Variants in LRRC56 observed in about 807,000 individuals in gnomAD.
LRRC56 encodes leucine rich repeat containing 56, also known as leucine-rich repeat-containing protein 56.
LRRC56 carries 41 observed loss-of-function variants against 47.8 expected under a neutral mutation model. The observed-to-expected ratio is 0.86, with a 90% CI of 0.67 to 1.11. The LOEUF (loss-of-function observed/expected upper bound fraction) is 1.11. Among genes scored for constraint, LRRC56 ranks in the 50% most tolerant of loss-of-function variants. The pLI, the probability that LRRC56 is intolerant of heterozygous loss-of-function variation, is 0.00. For missense variants in LRRC56, 759 were observed against 704.2 expected (o/e 1.08, Z -0.88); for synonymous variants, 387 against 311.2 (o/e 1.24, Z -2.56).
chr11:552,463 T>C, intron 12 of LRRC56, 106 bp from the exon 13 acceptor site: 1 of 1,231,230 alleles, frequency 8.1e-7, no homozygotes, highest in Non-Finnish European at 1.1e-6. Flanking sequence ...GGGCTGGGGC[T>C]ACCTTGGCTG....
chr11:525,395 C>CA, the LRRC56 span, among the ~76,000 whole-genome samples: 1 of 151,502 alleles, frequency 6.6e-6, no homozygotes, highest in African/African-American at 2.4e-5. Context: ...AAAAATTAGC[C>CA]GGCCGTGGTG....
chr11:541,145 G>A lies in LRRC56; in HGVS notation c.177+284G>A, dbSNP rs1342024602. ...GACTGAGCCAGGCCAGAACCCACAA[G>A]TAGGGGCTGAGCATCCATTATCCTC... On this transcript the variant is annotated intron_variant, in intron 4 of 13. Transcript: ENST00000270115. This position sits in a 1 kb window ranked among gnomAD's most constrained non-coding sequence, Gnocchi z 4.1. 6.6e-6 allele frequency among the ~76,000 whole-genome samples: 1 copy of A among 152,178 alleles called. No individual in the cohort carries two copies. Among genetic ancestry groups the A allele is most frequent in the Non-Finnish European group, 1.5e-5 (1 of 68,022 alleles).
intron 6 of LRRC56, among the ~76,000 whole-genome samples, chr11:546,395 C>T (rs925118131): frequency 1.3e-5 from 2 of 151,884 alleles, no homozygotes; most frequent in Admixed American, 6.6e-5. Flanking sequence ...GGTGAAACCC[C>T]GTCTCTACTA....
rs772999509 is a variant in LRRC56 at position 552,167 on chromosome 11, C to T, written c.1116C>T (p.Asp372=). 4.3e-6 allele frequency: 7 copies of T among 1,612,650 alleles called. No individual in the cohort carries two copies. Among genetic ancestry groups the T allele is most frequent in the South Asian group, 1.1e-5 (1 of 91,090 alleles). ...PAASTSTPEP[D]PADSSDFLAL... ...CCAGCACTTCCACCCCAGAGCCTGA[C>T]CCTGCAGACAGCTCTGACTTCCTGG... Residue 372 remains aspartate, a synonymous_variant, in exon 12 of 14, where the codon GAC becomes GAT. Coordinates refer to ENST00000270115, the MANE Select transcript of LRRC56 (RefSeq NM_198075.4).
chr11:512,592 A>G, the LRRC56 span, among the ~76,000 whole-genome samples: 1 of 152,234 alleles, frequency 6.6e-6, no homozygotes, highest in Non-Finnish European at 1.5e-5. Flanking sequence ...CACCCTTGGT[A>G]GATGGAACAG....
chr11:543,446 C>G (rs1851904028), intron 5 of LRRC56, among the ~76,000 whole-genome samples: 1 of 151,970 alleles, frequency 6.6e-6, no homozygotes, highest in African/African-American at 2.4e-5. Context: ...AACTCCTGAC[C>G]TCAGGTGATC....
At chr11:526,025 G>A in the LRRC56 span, among the ~76,000 whole-genome samples, 2 of 151,966 alleles carry the variant, frequency 1.3e-5, no homozygotes, top group Non-Finnish European at 2.9e-5. Context: ...GGGCAACCTG[G>A]TGAAACCGTG....
the LRRC56 span, among the ~76,000 whole-genome samples, chr11:511,867 G>C: frequency 1.3e-5 from 2 of 152,190 alleles, no homozygotes; most frequent in African/African-American, 4.8e-5. Flanking sequence ...CACACACACA[G>C]ACAAGGCGCT....
chr11:550,170 C>T lies in LRRC56; in HGVS notation c.522C>T (p.Asp174=), dbSNP rs371711502. 1.2e-6 allele frequency: 2 copies of T among 1,613,312 alleles called. No homozygotes were observed. The highest frequency in any genetic ancestry group is 1.7e-6 in the Non-Finnish European group (2 of 1,179,848). Residue 174 remains aspartate, a synonymous_variant, in exon 8 of 14, where the codon GAC becomes GAT. Coordinates refer to ENST00000270115, the MANE Select transcript of LRRC56 (RefSeq NM_198075.4). ...ACCTGGAGGGCAACAGCGTGGAGGA[C>T]CTGGGGCAGGTGCGCTACTTGCAGC... ...VLDLEGNSVE[D]LGQVRYLQLC...
chr11:548,116 C>T (rs1262604977), intron 6 of LRRC56, among the ~76,000 whole-genome samples: 2 of 151,302 alleles, frequency 1.3e-5, no homozygotes, highest in African/African-American at 2.4e-5. Context: ...ACAGAGACTC[C>T]ATCTCAAAAA....
the LRRC56 span, among the ~76,000 whole-genome samples, chr11:518,428 G>T: frequency 6.6e-6 from 1 of 152,092 alleles, no homozygotes; most frequent in Non-Finnish European, 1.5e-5. Flanking sequence ...TGATCCACCC[G>T]CCTCGGCCTC....
At chr11:516,948 C>A in the LRRC56 span, among the ~76,000 whole-genome samples, 1 of 152,224 alleles carries the variant, frequency 6.6e-6, no homozygotes, top group South Asian at 2.1e-4. Context: ...GCCCCGGGCT[C>A]CCATGGTTCT....
chr11:531,391 G>A, the LRRC56 span, among the ~76,000 whole-genome samples: 1 of 152,168 alleles, frequency 6.6e-6, no homozygotes, highest in African/African-American at 2.4e-5. Context: ...GGGCGCTGTG[G>A]GCCCCCAGCA....
chr11:533,221 G>A, upstream of LRRC56: 1 of 1,441,582 alleles, frequency 6.9e-7, no homozygotes. Context: ...TGCAGGGCGT[G>A]AGCCCAGACC....
At chr11:532,875 TC>T (rs1851192766), upstream of LRRC56, 1 of 972,852 alleles carries the variant, frequency 1.0e-6, no homozygotes, top group Non-Finnish European at 1.6e-6. Flanking sequence ...ACCAGCCACT[TC>T]CCCAGGCCCA....
upstream of LRRC56, chr11:534,658 A>C: frequency 4.9e-6 from 2 of 404,952 alleles, no homozygotes; most frequent in South Asian, 2.8e-5. Context: ...CCCAAATTAG[A>C]AGCTGCTGGG....
At chr11:533,604 A>C, upstream of LRRC56, 1 of 1,613,696 alleles carries the variant, frequency 6.2e-7, no homozygotes. Flanking sequence ...CACCCGTTTG[A>C]TCTGCTCCCT....
the LRRC56 span, among the ~76,000 whole-genome samples, chr11:528,289 G>A: frequency 6.6e-6 from 1 of 152,236 alleles, no homozygotes; most frequent in African/African-American, 2.4e-5. Context: ...GAGCAGGGAT[G>A]TGATCCGACG....
chr11:531,110 GAGAAGGGGGAGTGTGGCGTCCCCTGGAC>G, the LRRC56 span, among the ~76,000 whole-genome samples: 138 of 133,170 alleles, frequency 1.0e-3, no homozygotes, highest in African/African-American at 2.5e-3. Flanking sequence ...GTCCCCTGGA[GAGAAGGGGGAGTGTGGCGTCCCCTGGAC>G]AGAAGGGGGA....
Sources: allele counts gnomAD v4.1 joint callset (sites outside exome capture counted in the v4.1 genomes callset), GRCh38; gene constraint gnomAD v4.1.1; non-coding constraint Gnocchi (gnomAD v3.1); transcripts MANE v1.5; gene names NCBI Gene and HGNC (gene_info 2026-07-23, HGNC 2026-07-21).